Variants in GNB1 observed in about 807,000 individuals in gnomAD.
GNB1 encodes the protein guanine nucleotide-binding protein G(I)/G(S)/G(T) subunit beta-1.
GNB1 carries 2 observed loss-of-function variants against 42.9 expected under a neutral mutation model. That is an observed-to-expected ratio of 0.05 (90% CI 0.02 to 0.15). The LOEUF is 0.15. Among genes scored for constraint, GNB1 ranks in the 10% least tolerant of loss-of-function variants. GNB1 has a pLI of 1.00. For synonymous variants in GNB1, 183 were observed against 174.7 expected, an observed-to-expected ratio of 1.05 and a Z score of -0.38; for missense variants, 193 against 462.2, an observed-to-expected ratio of 0.42 and a Z score of 5.34.
At chr1:1,869,117 C>T (rs1175168714) in intron 1 of GNB1, among the ~76,000 whole-genome samples, 2 of 128,056 alleles carry the variant, frequency 1.6e-5, no homozygotes, top group East Asian at 5.3e-4. Context: ...ACCCAGGAGG[C>T]GGAGCTTGCA....
chr1:1,815,030 T>C (rs1646833602), intron 5 of GNB1, among the ~76,000 whole-genome samples: 2 of 147,840 alleles, frequency 1.4e-5, no homozygotes, highest in African/African-American at 5.0e-5. Flanking sequence ...GAGAATGGCG[T>C]GAACCCGGGA....
intron 2 of GNB1, among the ~76,000 whole-genome samples, chr1:1,838,443 T>C (rs1269967435): frequency 1.4e-5 from 2 of 143,464 alleles, no homozygotes; most frequent in African/African-American, 2.6e-5. Context: ...TACTTTTTTT[T>C]CTTTTCTTTT....
At chr1:1,799,635 G>A (rs761244377) in intron 7 of GNB1, among the ~76,000 whole-genome samples, 4 of 152,192 alleles carry the variant, frequency 2.6e-5, no homozygotes, top group Non-Finnish European at 4.4e-5. Context: ...TATAAGCACT[G>A]CACAAACTAC....
chr1:1,866,487 T>C lies in GNB1; in HGVS notation c.-96+24333A>G, dbSNP rs185027600. ...TTTTTAACAACTGCACAGTATGCCA[T>C]TCCAAGTCTGCCTTAATTTAACCAA... On this transcript the variant is annotated intron_variant, in intron 1 of 11. Coordinates refer to ENST00000378609, the MANE Select transcript of GNB1 (RefSeq NM_002074.5). Among the ~76,000 whole-genome samples the C allele has an allele frequency of 3.3e-5, 5 of 152,332 alleles. No homozygotes were observed. The East Asian group carries it at 9.6e-4, about 29-fold the overall frequency.
intron 1 of GNB1, among the ~76,000 whole-genome samples, chr1:1,851,849 GC>G (rs1313107574): frequency 2.0e-5 from 3 of 151,944 alleles, no homozygotes; most frequent in Non-Finnish European, 4.4e-5. Flanking sequence ...TTTGAGACCA[GC>G]CTGACCAACA....
chr1:1,848,717 T>C (rs1557925953), intron 1 of GNB1, among the ~76,000 whole-genome samples: 2 of 152,238 alleles, frequency 1.3e-5, no homozygotes, highest in African/African-American at 2.4e-5. Context: ...AGCAGGCTAT[T>C]AGTAGTTCAT....
chr1:1,882,089 A>G (rs1179786879), intron 1 of GNB1, among the ~76,000 whole-genome samples: 1 of 152,158 alleles, frequency 6.6e-6, no homozygotes, highest in East Asian at 1.9e-4. Flanking sequence ...CTATTAGACC[A>G]TGAATTCAGC....
At chr1:1,877,676 A>G (rs1271360284) in intron 1 of GNB1, among the ~76,000 whole-genome samples, 1 of 152,122 alleles carries the variant, frequency 6.6e-6, no homozygotes, top group Non-Finnish European at 1.5e-5. Flanking sequence ...TGTTTTTATT[A>G]GCAAAATGAA....
intron 2 of GNB1, among the ~76,000 whole-genome samples, chr1:1,832,496 T>C (rs1647090447): frequency 6.6e-6 from 1 of 152,178 alleles, no homozygotes; most frequent in Non-Finnish European, 1.5e-5. Flanking sequence ...TTGAGAGAGA[T>C]TTGAATAACT....
At chr1:1,842,780 T>C (rs1451390211) in intron 1 of GNB1, among the ~76,000 whole-genome samples, 1 of 152,236 alleles carries the variant, frequency 6.6e-6, no homozygotes, top group Non-Finnish European at 1.5e-5. Flanking sequence ...AAATGGTTTA[T>C]GTTATGTGAA....
intron 1 of GNB1, among the ~76,000 whole-genome samples, chr1:1,842,054 TC>T (rs555640931): frequency 2.7e-4 from 41 of 152,362 alleles, no homozygotes; most frequent in African/African-American, 9.1e-4. Flanking sequence ...ACGCCTGTAA[TC>T]CCAGCACTTT....
At chr1:1,840,465 T>C (rs922120020) in intron 1 of GNB1, among the ~76,000 whole-genome samples, 25 of 152,198 alleles carry the variant, frequency 1.6e-4, no homozygotes, top group Non-Finnish European at 2.6e-4. Context: ...GAGGCGGAGA[T>C]TGCAGTGAGC....
rs1193879373 is a variant in GNB1 at position 1,890,913 on chromosome 1, G to T, written c.-189C>A. ...GCTCGGGCCGCGCTGCGCGCTCCGC[G>T]GGCGCTGCGGGCAGGTGCGCGCCGG... On this transcript the variant is annotated 5_prime_UTR_variant, in exon 1 of 12. Coordinates refer to ENST00000378609, the MANE Select transcript of GNB1 (RefSeq NM_002074.5). The T allele has an allele frequency of 1.4e-5, 2 of 146,948 alleles. No individual in the cohort carries two copies. Among genetic ancestry groups the T allele is most frequent in the Non-Finnish European group, 3.0e-5 (2 of 65,818 alleles). The allele number at this position is 146,948 out of a possible 1,614,324, so 9.1% of individuals were successfully genotyped here. A position where few individuals can be genotyped will look rare whatever the true frequency, so the allele number is the denominator to read the frequency against.
intron 2 of GNB1, among the ~76,000 whole-genome samples, chr1:1,825,962 G>A (rs80145230): frequency 2.6e-3 from 393 of 152,118 alleles, no homozygotes; most frequent in African/African-American, 9.0e-3. Flanking sequence ...GGCTAAGTAG[G>A]GCCAGGTAAA....
At chr1:1,867,792 T>C (rs917500413) in intron 1 of GNB1, among the ~76,000 whole-genome samples, 6 of 152,226 alleles carry the variant, frequency 3.9e-5, no homozygotes, top group Admixed American at 1.3e-4. Flanking sequence ...TATAGCCTTA[T>C]TGTCAAACTA....
intron 1 of GNB1, among the ~76,000 whole-genome samples, chr1:1,854,237 G>A (rs983055153): frequency 6.6e-6 from 1 of 152,228 alleles, no homozygotes; most frequent in African/African-American, 2.4e-5. Flanking sequence ...GGTGGCCAGA[G>A]AAGGCCACTC....
At chr1:1,803,890 G>A (rs1014556082) in intron 7 of GNB1, among the ~76,000 whole-genome samples, 19 of 150,142 alleles carry the variant, frequency 1.3e-4, no homozygotes, top group African/African-American at 3.9e-4. Context: ...GCTGAGGCAG[G>A]AGAATCGCTT....
At chr1:1,855,360 C>A (rs1184073768) in intron 1 of GNB1, among the ~76,000 whole-genome samples, 1 of 148,446 alleles carries the variant, frequency 6.7e-6, no homozygotes, top group Admixed American at 6.8e-5. Flanking sequence ...GAAAAAAGAA[C>A]CCAAATTCCA....
At chr1:1,817,408 T>C (rs1445376953) in intron 4 of GNB1, among the ~76,000 whole-genome samples, 2 of 152,216 alleles carry the variant, frequency 1.3e-5, no homozygotes, top group East Asian at 1.9e-4. Flanking sequence ...TGTACATGTG[T>C]GTGTTTGAAA....
Sources: allele counts gnomAD v4.1 joint callset (sites outside exome capture counted in the v4.1 genomes callset), GRCh38; gene constraint gnomAD v4.1.1; transcripts MANE v1.5; gene names NCBI Gene and HGNC (gene_info 2026-07-23, HGNC 2026-07-21).